CCSER1: variants seen among roughly 807,000 people sequenced by gnomAD.
The protein encoded by CCSER1 is serine-rich coiled-coil domain-containing protein 1.
In CCSER1, 41 loss-of-function variants were observed where a neutral mutation model predicts 82.0. The observed-to-expected ratio is 0.50, with a 90% confidence interval of 0.39 to 0.65. The LOEUF is 0.65. Ranked by LOEUF, CCSER1 falls within the 30% of genes least tolerant of loss-of-function variation. The pLI is 0.00. For synonymous variants in CCSER1, 414 were observed against 383.9 expected (o/e 1.08, Z -0.92); for missense variants, 1,119 against 1,064.2 (o/e 1.05, Z -0.72).
chr4:90,433,282 C>T (rs1758554084), intron 4 of CCSER1, among the ~76,000 whole-genome samples: 1 of 152,040 alleles, frequency 6.6e-6, no homozygotes, highest in Non-Finnish European at 1.5e-5. Flanking sequence ...TCGGGCCACC[C>T]TTGACTCCTC....
chr4:90,420,518 T>C (rs748544236), intron 4 of CCSER1, among the ~76,000 whole-genome samples: 1 of 152,074 alleles, frequency 6.6e-6, no homozygotes, highest in Non-Finnish European at 1.5e-5. Flanking sequence ...TTTATGGTAG[T>C]TGCCAACAGA....
At chr4:90,455,025 G>A (rs1412851433) in intron 4 of CCSER1, among the ~76,000 whole-genome samples, 1 of 152,086 alleles carries the variant, frequency 6.6e-6, no homozygotes, top group Non-Finnish European at 1.5e-5. Flanking sequence ...GGTACCTCTG[G>A]GGTTTGCTTC....
chr4:90,232,149 G>A (rs1744709508), intron 1 of CCSER1, among the ~76,000 whole-genome samples: 1 of 152,062 alleles, frequency 6.6e-6, no homozygotes, highest in Non-Finnish European at 1.5e-5. Flanking sequence ...AACCAAAAAA[G>A]AGCCCACATC....
At chr4:90,324,033 T>G (rs1223016810) in intron 3 of CCSER1, among the ~76,000 whole-genome samples, 2 of 152,152 alleles carry the variant, frequency 1.3e-5, no homozygotes, top group African/African-American at 4.8e-5. Flanking sequence ...TATTCCATGG[T>G]GTATAGGTGC....
chr4:90,625,149 C>T, intron 5 of CCSER1, among the ~76,000 whole-genome samples: 1 of 152,102 alleles, frequency 6.6e-6, no homozygotes, highest in East Asian at 1.9e-4. Context: ...CTGCTAAATG[C>T]AAGAACAGAA....
At chr4:91,176,951 T>A (rs1581713039) in intron 10 of CCSER1, among the ~76,000 whole-genome samples, 1 of 152,188 alleles carries the variant, frequency 6.6e-6, no homozygotes, top group Admixed American at 6.5e-5. Flanking sequence ...ATATTGGCTG[T>A]GGGTTTGTCA....
chr4:90,406,256 A>G (rs190642833), intron 4 of CCSER1, among the ~76,000 whole-genome samples: 110 of 152,340 alleles, frequency 7.2e-4, no homozygotes, highest in African/African-American at 2.5e-3. Context: ...CAGCAGTTAA[A>G]AAAGGCAAAG....
chr4:91,386,036 C>T (rs1032382838), intron 10 of CCSER1, among the ~76,000 whole-genome samples: 1 of 150,596 alleles, frequency 6.6e-6, no homozygotes, highest in Non-Finnish European at 1.5e-5. Context: ...GCTTCTAGGC[C>T]CTCTTAGTAA....
At chr4:90,954,492 G>A (rs770036630) in intron 9 of CCSER1, among the ~76,000 whole-genome samples, 46 of 151,986 alleles carry the variant, frequency 3.0e-4, no homozygotes, top group Non-Finnish European at 6.0e-4. Flanking sequence ...GAATCACAAG[G>A]ATCTGAAGGA....
chr4:90,733,070 T>C (rs1745036047), intron 7 of CCSER1, among the ~76,000 whole-genome samples: 1 of 152,346 alleles, frequency 6.6e-6, no homozygotes, highest in South Asian at 2.1e-4. Context: ...CTGGATCAAA[T>C]GGTACATCTA....
At chr4:91,255,037 T>C (rs868249256) in intron 10 of CCSER1, among the ~76,000 whole-genome samples, 3 of 152,128 alleles carry the variant, frequency 2.0e-5, no homozygotes, top group Non-Finnish European at 4.4e-5. Flanking sequence ...CCTATTCATA[T>C]CTGCCTTGTT....
At chr4:91,067,027 T>C (rs1342231830) in intron 9 of CCSER1, among the ~76,000 whole-genome samples, 1 of 152,018 alleles carries the variant, frequency 6.6e-6, no homozygotes, top group African/African-American at 2.4e-5. Context: ...TAGCCGGGCA[T>C]GGTGGCAGGT....
At chr4:90,981,084 G>T (rs1339132425) in intron 9 of CCSER1, among the ~76,000 whole-genome samples, 1 of 151,792 alleles carries the variant, frequency 6.6e-6, no homozygotes, top group Non-Finnish European at 1.5e-5. Flanking sequence ...ACAGAAGTTG[G>T]TGGATAAATA....
At chr4:90,329,385 G>A (rs1473755630) in intron 3 of CCSER1, among the ~76,000 whole-genome samples, 6 of 152,144 alleles carry the variant, frequency 3.9e-5, no homozygotes, top group Admixed American at 1.3e-4. Flanking sequence ...AAGTGAATAT[G>A]ACAGTTGTTT....
At chr4:91,206,082 G>A (rs1292894525) in intron 10 of CCSER1, among the ~76,000 whole-genome samples, 1 of 151,884 alleles carries the variant, frequency 6.6e-6, no homozygotes, top group East Asian at 1.9e-4. Context: ...AAACTGAAAC[G>A]TGAAAAAGAT....
chr4:91,307,809 G>T (rs1745178086), intron 10 of CCSER1, among the ~76,000 whole-genome samples: 2 of 151,872 alleles, frequency 1.3e-5, no homozygotes, highest in African/African-American at 4.8e-5. Context: ...GTATTGTTCT[G>T]AACTTTAAAT....
At chr4:90,287,128 G>T (rs1368286254) in intron 1 of CCSER1, among the ~76,000 whole-genome samples, 5 of 151,522 alleles carry the variant, frequency 3.3e-5, no homozygotes, top group African/African-American at 1.2e-4. Context: ...CTTTGCTACT[G>T]CTCCTAAAAG....
At chr4:90,922,031 T>G (rs2150245916) in intron 8 of CCSER1, among the ~76,000 whole-genome samples, 1 of 152,142 alleles carries the variant, frequency 6.6e-6, no homozygotes, top group South Asian at 2.1e-4. Context: ...AATTAAAAAC[T>G]TCTACCTCAC....
At chr4:90,736,963 GAACA>G (rs778994658) in intron 7 of CCSER1, among the ~76,000 whole-genome samples, 12 of 152,052 alleles carry the variant, frequency 7.9e-5, no homozygotes, top group Non-Finnish European at 1.3e-4. Flanking sequence ...TGGATTGCAT[GAACA>G]AACAAACAAG....
Sources: allele counts gnomAD v4.1 joint callset (sites outside exome capture counted in the v4.1 genomes callset), GRCh38; gene constraint gnomAD v4.1.1; transcripts MANE v1.5; gene names NCBI Gene and HGNC (gene_info 2026-07-23, HGNC 2026-07-21).